The following SPRY3 variants were observed in gnomAD, a reference collection of about 807,000 sequenced individuals.
SPRY3 encodes the protein sprouty RTK signaling antagonist 3, also known as protein sprouty homolog 3.
Under a neutral mutation model 20.2 loss-of-function variants are expected in SPRY3, and 15 were observed. The observed-to-expected ratio is 0.74, with a 90% CI of 0.50 to 1.14. The LOEUF (loss-of-function observed/expected upper bound fraction) is 1.14. Ranked by LOEUF, SPRY3 falls within the 50% of genes most tolerant of loss-of-function variation. SPRY3 has a pLI of 0.00. For missense variants in SPRY3, 364 were observed against 363.9 expected, an observed-to-expected ratio of 1.00 and a Z score of 0.00; for synonymous variants, 143 against 136.5, an observed-to-expected ratio of 1.05 and a Z score of -0.33.
intron 2 of SPRY3, among the ~76,000 whole-genome samples, chrX:155,663,062 G>GA (rs2068015238): frequency 8.9e-6 from 1 of 112,057 alleles, no homozygotes; most frequent in Non-Finnish European, 1.9e-5. Flanking sequence ...AAAAGCTTCA[G>GA]AAAAAAACTG....
At chrX:155,734,333 A>T (rs1172942362) in intron 2 of SPRY3, among the ~76,000 whole-genome samples, 2 of 152,046 alleles carry the variant, frequency 1.3e-5, no homozygotes, top group African/African-American at 2.4e-5. Context: ...AGAAGGAAAG[A>T]GATGAGGGAT....
At chrX:155,624,526 A>G (rs912016163) in intron 1 of SPRY3, among the ~76,000 whole-genome samples, 10 of 80,388 alleles carry the variant, frequency 1.2e-4, no homozygotes, top group African/African-American at 3.3e-4. Flanking sequence ...TCATCTATCT[A>G]TCTATCTATC....
intron 2 of SPRY3, among the ~76,000 whole-genome samples, chrX:155,728,385 T>C (rs2091113390): frequency 6.6e-6 from 1 of 152,258 alleles, no homozygotes; most frequent in Admixed American, 6.5e-5. Context: ...AAGTTTCTGC[T>C]GCCTTTTGTT....
chrX:155,715,508 C>T (rs759543886), intron 2 of SPRY3, among the ~76,000 whole-genome samples: 4 of 152,138 alleles, frequency 2.6e-5, no homozygotes. Context: ...GAAGGAGTCT[C>T]TTTCTGAGTT....
chrX:155,706,890 A>T (rs619051), intron 2 of SPRY3, among the ~76,000 whole-genome samples: 4 of 150,814 alleles, frequency 2.7e-5, no homozygotes, highest in Non-Finnish European at 4.5e-5. Context: ...TTTCATTGGT[A>T]CATTCTCCCA....
chrX:155,757,586 T>G (rs2091288192), intron 2 of SPRY3, among the ~76,000 whole-genome samples: 1 of 152,114 alleles, frequency 6.6e-6, no homozygotes, highest in East Asian at 1.9e-4. Context: ...AGGAGAATAA[T>G]GCTTGTAATG....
intron 1 of SPRY3, among the ~76,000 whole-genome samples, chrX:155,617,640 A>G (rs1415756131): frequency 4.5e-5 from 5 of 111,565 alleles, no homozygotes; most frequent in African/African-American, 1.6e-4. Flanking sequence ...AGAGAAGACA[A>G]TCTGTGCAGA....
intron 2 of SPRY3, among the ~76,000 whole-genome samples, chrX:155,748,900 G>A (rs2091243210): frequency 6.6e-6 from 1 of 151,826 alleles, no homozygotes; most frequent in Non-Finnish European, 1.5e-5. Flanking sequence ...GTCTTCATAT[G>A]TAAATGTAAA....
chrX:155,616,238 C>T (rs782545658), intron 1 of SPRY3, among the ~76,000 whole-genome samples: 9 of 107,351 alleles, frequency 8.4e-5, no homozygotes, highest in Non-Finnish European at 1.5e-4. Flanking sequence ...TTCCCAAGTC[C>T]ATGTAACAGT....
In SPRY3 at chrX:155,751,685, T is replaced by C. The variant is rs779280888; in HGVS notation, c.-281-16277T>C. Among the ~76,000 whole-genome samples, 6 of 148,058 alleles carry C rather than the reference T, an allele frequency of 4.1e-5. No individual in the cohort carries two copies. The Admixed American group carries it at 4.1e-4, about 10-fold the overall frequency. Reference sequence around the variant, plus strand: ...ACAAATATGACAAATGTTTACTATATAGATTTTTAAAATTAAAAATACAAT... The same window carrying C: ...ACAAATATGACAAATGTTTACTATACAGATTTTTAAAATTAAAAATACAAT... On this transcript the variant is annotated intron_variant, in intron 2 of 3. Coordinates refer to ENST00000675360, the Ensembl canonical transcript of SPRY3.
Position 155,689,311 on chromosome X carries a change from C to T in SPRY3, c.-282+32286C>T, listed in dbSNP as rs1006700474. On this transcript the variant is annotated intron_variant, in intron 2 of 3. Coordinates refer to ENST00000675360, the Ensembl canonical transcript of SPRY3. ...ATGGTGTAAGGAAGGGGTCCAGTTT[C>T]GATCTTCTGCATATAGCTAGCCAGT... Among the ~76,000 whole-genome samples, 3 of 86,489 alleles carry T rather than the reference C, an allele frequency of 3.5e-5. 1 individual carries two copies. Among genetic ancestry groups the T allele is most frequent in the Non-Finnish European group, 6.4e-5 (3 of 46,858 alleles). The allele number at this position is 86,489 out of a possible 115,157, so 75.1% of individuals were successfully genotyped here. A position where few individuals can be genotyped will look rare whatever the true frequency, so the allele number is the denominator to read the frequency against.
intron 2 of SPRY3, among the ~76,000 whole-genome samples, chrX:155,714,023 T>C (rs1214302304): frequency 6.6e-6 from 1 of 152,192 alleles, no homozygotes; most frequent in Non-Finnish European, 1.5e-5. Flanking sequence ...CATTTTTAAC[T>C]CTAGAATTTT....
At chrX:155,723,418 A>T (rs1423751917) in intron 2 of SPRY3, among the ~76,000 whole-genome samples, 2 of 152,024 alleles carry the variant, frequency 1.3e-5, no homozygotes, top group Non-Finnish European at 2.9e-5. Context: ...AAGCATTCCT[A>T]TTTCTCCACA....
intron 1 of SPRY3, among the ~76,000 whole-genome samples, chrX:155,651,026 A>G (rs2067975689): frequency 9.0e-6 from 1 of 110,802 alleles, no homozygotes; most frequent in African/African-American, 3.3e-5. Flanking sequence ...TCCCACCAAC[A>G]ATGTATCAGT....
intron 1 of SPRY3, among the ~76,000 whole-genome samples, chrX:155,634,191 A>C (rs1444005719): frequency 9.0e-6 from 1 of 111,343 alleles, no homozygotes; most frequent in African/African-American, 3.3e-5. Flanking sequence ...GTTACTGTTG[A>C]GTGCCTAGCC....
Position 155,616,134 on chromosome X carries a change from T to TCTCTCTCTC in SPRY3, c.-441+3488_-441+3496dup, listed in dbSNP as rs2067852440. On this transcript the variant is annotated intron_variant, in intron 1 of 3. Transcript: ENST00000675360. ...TCTCTCTCTCTCTCTCTCTCTCCTCTCTCTCTCTCTCTCTCTTCTCTCTCT... is the reference window on the plus strand; with the variant it reads ...TCTCTCTCTCTCTCTCTCTCTCCTCTCTCTCTCTCCTCTCTCTCTCTCTCTTCTCTCTCT... Among the ~76,000 whole-genome samples the TCTCTCTCTC allele has an allele frequency of 9.9e-4, 58 of 58,436 alleles. 1 individual carries two copies. Among genetic ancestry groups the TCTCTCTCTC allele is most frequent in the South Asian group, 2.3e-3 (2 of 861 alleles). 50.7% of individuals were successfully genotyped at this position (58,436 alleles called of 115,157 possible).
chrX:155,668,725 C>T (rs782532719), intron 2 of SPRY3, among the ~76,000 whole-genome samples: 1 of 110,267 alleles, frequency 9.1e-6, no homozygotes, highest in South Asian at 3.9e-4. Flanking sequence ...CCATATTGTC[C>T]CTGTGTCTTT....
chrX:155,768,670 G>A (rs377611502), intron 3 of SPRY3, among the ~76,000 whole-genome samples: 2 of 152,134 alleles, frequency 1.3e-5, no homozygotes, highest in Non-Finnish European at 2.9e-5. Flanking sequence ...CTTACATTGA[G>A]TCAGAGCAGT....
intron 2 of SPRY3, among the ~76,000 whole-genome samples, chrX:155,679,005 C>A (rs1461740018): frequency 9.0e-6 from 1 of 110,751 alleles, no homozygotes; most frequent in Non-Finnish European, 1.9e-5. Flanking sequence ...AATGAGATCA[C>A]TTGGACACAG....
Sources: gnomAD v4.1 joint callset for allele counts (sites outside exome capture counted in the v4.1 genomes callset) on GRCh38, gnomAD v4.1.1 for gene constraint, MANE v1.5 for transcripts, NCBI Gene and HGNC (gene_info 2026-07-23, HGNC 2026-07-21) for gene names.